LHFPL3: variants seen among roughly 807,000 people sequenced by gnomAD.
The protein encoded by LHFPL3 is LHFPL tetraspan subfamily member 3.
LHFPL3 carries 5 observed loss-of-function variants against 19.3 expected under a neutral mutation model. The observed-to-expected ratio is 0.26, with a 90% CI of 0.14 to 0.54. LHFPL3 has a LOEUF of 0.54. Ranked by LOEUF, LHFPL3 falls within the 20% of genes least tolerant of loss-of-function variation. The pLI is 0.94. For synonymous variants in LHFPL3, 133 were observed against 126.2 expected, an observed-to-expected ratio of 1.05 and a Z score of -0.36; for missense variants, 249 against 307.4, an observed-to-expected ratio of 0.81 and a Z score of 1.42.
At chr7:104,564,671 G>C (rs542515215) in intron 1 of LHFPL3, among the ~76,000 whole-genome samples, 1 of 152,334 alleles carries the variant, frequency 6.6e-6, no homozygotes, top group East Asian at 1.9e-4. Flanking sequence ...GACTGAGGCA[G>C]TTGGATGTGA....
Position 104,771,453 on chromosome 7 carries a change from C to T in LHFPL3, c.682+34542C>T, listed in dbSNP as rs4730044. On this transcript the variant is annotated intron_variant, in intron 2 of 2. Coordinates refer to ENST00000424859, the MANE Select transcript of LHFPL3 (RefSeq NM_199000.3). ...TGCTCAGGGCTCAGGGCTCTTTTTA[C>T]TGGAAAATGCTGCCATTTGATACAT... Among the ~76,000 whole-genome samples, 2,993 of 152,172 alleles carry T rather than the reference C, an allele frequency of 0.02. 244 individuals carry two copies. The East Asian group carries it at 0.26, about 13-fold the overall frequency.
At chr7:104,497,900 A>G (rs1238784290) in intron 1 of LHFPL3, among the ~76,000 whole-genome samples, 1 of 143,188 alleles carries the variant, frequency 7.0e-6, no homozygotes, top group Non-Finnish European at 1.5e-5. Flanking sequence ...CCTTTTGTAG[A>G]CTGATGCAAG....
chr7:104,864,498 C>A (rs1458857309), intron 2 of LHFPL3, among the ~76,000 whole-genome samples: 1 of 152,224 alleles, frequency 6.6e-6, no homozygotes, highest in East Asian at 1.9e-4. Context: ...GAGTCCTACG[C>A]CCAATGTGCC....
At chr7:104,567,738 A>C (rs1482677253) in intron 1 of LHFPL3, among the ~76,000 whole-genome samples, 1 of 152,102 alleles carries the variant, frequency 6.6e-6, no homozygotes, top group African/African-American at 2.4e-5. Flanking sequence ...GTACCCAAGG[A>C]CTTAGTTCAG....
chr7:104,442,303 TG>T, intron 1 of LHFPL3, among the ~76,000 whole-genome samples: 1 of 152,282 alleles, frequency 6.6e-6, no homozygotes, highest in African/African-American at 2.4e-5. Flanking sequence ...ATTAACTCTT[TG>T]TTTCAATTAA....
At chr7:104,592,285 C>T (rs530448571) in intron 1 of LHFPL3, among the ~76,000 whole-genome samples, 28 of 152,186 alleles carry the variant, frequency 1.8e-4, no homozygotes, top group Non-Finnish European at 1.0e-4. Context: ...ATGATGGTGA[C>T]GTACAGATGG....
intron 2 of LHFPL3, among the ~76,000 whole-genome samples, chr7:104,786,830 CA>C (rs1490898761): frequency 3.3e-5 from 5 of 151,882 alleles, no homozygotes; most frequent in Non-Finnish European, 7.4e-5. Context: ...GTTTAATTAC[CA>C]AAATCACATG....
At chr7:104,766,623 A>G (rs2116385839) in intron 2 of LHFPL3, among the ~76,000 whole-genome samples, 1 of 152,280 alleles carries the variant, frequency 6.6e-6, no homozygotes, top group African/African-American at 2.4e-5. Context: ...CTGAAAAAGA[A>G]CCTCTTGGGT....
intron 1 of LHFPL3, among the ~76,000 whole-genome samples, chr7:104,647,262 C>T (rs1042970259): frequency 7.2e-5 from 11 of 152,202 alleles, no homozygotes; most frequent in Admixed American, 4.6e-4. Flanking sequence ...CAGACAGGCT[C>T]ATGGCATGCA....
At chr7:104,721,322 G>A (rs1199038956) in intron 1 of LHFPL3, among the ~76,000 whole-genome samples, 3 of 152,112 alleles carry the variant, frequency 2.0e-5, no homozygotes, top group Non-Finnish European at 4.4e-5. Context: ...CTCCCTCATA[G>A]GTGGGAACTG....
At chr7:104,333,833 A>T (rs140222759) in intron 1 of LHFPL3, among the ~76,000 whole-genome samples, 1 of 152,242 alleles carries the variant, frequency 6.6e-6, no homozygotes, top group East Asian at 1.9e-4. Context: ...TGAAAGTTCC[A>T]TAAGGCCTTG....
intron 1 of LHFPL3, among the ~76,000 whole-genome samples, chr7:104,625,517 C>T (rs530477738): frequency 6.6e-6 from 1 of 152,296 alleles, no homozygotes; most frequent in Admixed American, 6.5e-5. Context: ...TTTCTATCTT[C>T]AGAGTGTCTC....
intron 1 of LHFPL3, among the ~76,000 whole-genome samples, chr7:104,635,047 AT>A (rs1263915718): frequency 2.0e-5 from 3 of 152,156 alleles, no homozygotes; most frequent in South Asian, 2.1e-4. Context: ...TGTTATGTAT[AT>A]TTTTTAAAGA....
At position 104,852,732 on chromosome 7, in the gene LHFPL3, G is replaced by A. The variant is rs760664710; in HGVS notation, c.683-53455G>A. Among the ~76,000 whole-genome samples the A allele has an allele frequency of 6.6e-5, 10 of 152,224 alleles. No homozygotes were observed. In the East Asian group the frequency reaches 1.3e-3, roughly 20 times the overall value. ...CCCAGTCTTGACATTGTTAATAGTCGTATCTTTGAATGTGTGTTTTGTAAG... is the reference window on the plus strand; with the variant it reads ...CCCAGTCTTGACATTGTTAATAGTCATATCTTTGAATGTGTGTTTTGTAAG... On this transcript the variant is annotated intron_variant, in intron 2 of 2. Coordinates refer to ENST00000424859, the MANE Select transcript of LHFPL3 (RefSeq NM_199000.3).
rs145676245 is a variant in LHFPL3, at chr7:104,449,951, C to T, written c.445+120727C>T. On this transcript the variant is annotated intron_variant, in intron 1 of 2. Coordinates refer to ENST00000424859, the MANE Select transcript of LHFPL3 (RefSeq NM_199000.3). ...ACATGAAGAGGTCAGTTGTTTCACA[C>T]TTCAGTGGCTTTCCCCAACTCATAC... Among the ~76,000 whole-genome samples, 286 of 152,302 alleles carry T rather than the reference C, an allele frequency of 1.9e-3. 1 individual carries two copies. The highest frequency in any genetic ancestry group is 2.9e-3 in the Non-Finnish European group (200 of 68,026).
intron 1 of LHFPL3, among the ~76,000 whole-genome samples, chr7:104,370,448 C>T (rs1023972972): frequency 6.6e-6 from 1 of 152,126 alleles, no homozygotes; most frequent in Non-Finnish European, 1.5e-5. Context: ...AAAAAGAGAG[C>T]AGGGTGGCAA....
chr7:104,793,797 G>C (rs948197933), intron 2 of LHFPL3, among the ~76,000 whole-genome samples: 1 of 152,180 alleles, frequency 6.6e-6, no homozygotes, highest in Non-Finnish European at 1.5e-5. Context: ...TCTCATTTTT[G>C]AAACTCGAAC....
At chr7:104,612,389 G>A (rs1791228337) in intron 1 of LHFPL3, among the ~76,000 whole-genome samples, 1 of 152,106 alleles carries the variant, frequency 6.6e-6, no homozygotes, top group African/African-American at 2.4e-5. Context: ...ATGGGTGGGT[G>A]GGTGGATGGA....
rs184518590 is a variant in LHFPL3, at chr7:104,426,858, T to A, written c.445+97634T>A. Among the ~76,000 whole-genome samples, 72 of 152,328 alleles carry A rather than the reference T, an allele frequency of 4.7e-4. No individual in the cohort carries two copies. In the Middle Eastern group the frequency reaches 0.01, roughly 22 times the overall value. On this transcript the variant is annotated intron_variant, in intron 1 of 2. Coordinates refer to ENST00000424859, the MANE Select transcript of LHFPL3 (RefSeq NM_199000.3). ...ACTGCTTTATAATTGTCAACTGTAG[T>A]CTTCTTCTTTTACTAGATGGAATTC...
Sources: gnomAD v4.1 joint callset for allele counts (sites outside exome capture counted in the v4.1 genomes callset) on GRCh38, gnomAD v4.1.1 for gene constraint, MANE v1.5 for transcripts, NCBI Gene and HGNC (gene_info 2026-07-23, HGNC 2026-07-21) for gene names.